The following CMIP variants were observed in gnomAD, a reference collection of about 807,000 sequenced individuals.
The protein encoded by CMIP is C-Maf-inducing protein.
In CMIP, 13 loss-of-function variants were observed where a neutral mutation model predicts 97.3. The ratio of observed to expected loss-of-function variants is 0.13; its 90% CI spans 0.09 to 0.21. The LOEUF (loss-of-function observed/expected upper bound fraction) is 0.21. Ranked by LOEUF, CMIP falls within the 10% of genes least tolerant of loss-of-function variation. The pLI, the probability that CMIP is intolerant of heterozygous loss-of-function variation, is 1.00. For missense variants in CMIP, 847 were observed against 1,024.9 expected, an observed-to-expected ratio of 0.83 and a Z score of 2.37; for synonymous variants, 538 against 436.3, an observed-to-expected ratio of 1.23 and a Z score of -2.91.
chr16:81,651,982 G>C (rs2092433597), intron 3 of CMIP, among the ~76,000 whole-genome samples: 1 of 152,182 alleles, frequency 6.6e-6, no homozygotes, highest in South Asian at 2.1e-4. Context: ...TGTGGGAAAT[G>C]AGTCTAGTGT....
At chr16:81,578,629 C>A (rs562298625) in intron 1 of CMIP, among the ~76,000 whole-genome samples, 1 of 152,324 alleles carries the variant, frequency 6.6e-6, no homozygotes, top group South Asian at 2.1e-4. Context: ...ATCTCCATGC[C>A]ATGGGCTGGT....
At chr16:81,610,113 G>A (rs1406406496) in intron 2 of CMIP, among the ~76,000 whole-genome samples, 1 of 152,174 alleles carries the variant, frequency 6.6e-6, no homozygotes, top group African/African-American at 2.4e-5. Flanking sequence ...CATTCCTTCT[G>A]GGGCTGGAGG....
intron 1 of CMIP, among the ~76,000 whole-genome samples, chr16:81,455,037 G>T (rs1230903011): frequency 6.6e-6 from 1 of 152,214 alleles, no homozygotes; most frequent in Non-Finnish European, 1.5e-5. Context: ...GATAGAGGTG[G>T]GTTTGCCTCC....
intron 3 of CMIP, among the ~76,000 whole-genome samples, chr16:81,626,426 G>A (rs2092064776): frequency 6.7e-6 from 1 of 148,208 alleles, no homozygotes; most frequent in Admixed American, 6.8e-5. Flanking sequence ...GAGTGTGTGT[G>A]GGGTGTGGGA....
chr16:81,469,858 CT>C (rs1374525533), intron 1 of CMIP, among the ~76,000 whole-genome samples: 3 of 152,170 alleles, frequency 2.0e-5, no homozygotes, highest in Admixed American at 2.0e-4. Context: ...GAACATTTCC[CT>C]GAATGTCTTG....
At chr16:81,550,567 C>G (rs774988906) in intron 1 of CMIP, among the ~76,000 whole-genome samples, 1 of 152,186 alleles carries the variant, frequency 6.6e-6, no homozygotes, top group Non-Finnish European at 1.5e-5. Flanking sequence ...GGCTTCCACC[C>G]TCTGTGCTCT....
At chr16:81,543,306 C>T (rs1019761834) in intron 1 of CMIP, among the ~76,000 whole-genome samples, 1 of 152,186 alleles carries the variant, frequency 6.6e-6, no homozygotes, top group Non-Finnish European at 1.5e-5. Context: ...TAATCATGTC[C>T]AGTGCTACAC....
intron 2 of CMIP, chr16:81,620,632 AC>A: frequency 2.1e-6 from 1 of 483,944 alleles, no homozygotes; most frequent in East Asian, 3.8e-5. Flanking sequence ...TCACTCATAT[AC>A]AGCAAAGGAA....
intron 1 of CMIP, among the ~76,000 whole-genome samples, chr16:81,540,301 G>A (rs527827856): frequency 2.6e-5 from 4 of 152,252 alleles, no homozygotes; most frequent in Non-Finnish European, 2.9e-5. Flanking sequence ...CCTCTGATCC[G>A]TGAGATGGGC....
intron 5 of CMIP, among the ~76,000 whole-genome samples, chr16:81,660,199 G>T (rs1006118566): frequency 6.6e-6 from 1 of 152,116 alleles, no homozygotes; most frequent in African/African-American, 2.4e-5. Flanking sequence ...TTCAGACCCA[G>T]ACCCCAGCCA....
At chr16:81,596,580 T>C (rs1351406273) in intron 1 of CMIP, among the ~76,000 whole-genome samples, 2 of 151,864 alleles carry the variant, frequency 1.3e-5, no homozygotes, top group East Asian at 1.9e-4. Flanking sequence ...TGTATACTGC[T>C]TGATGAACTT....
At chr16:81,488,694 C>A (rs1043001396) in intron 1 of CMIP, among the ~76,000 whole-genome samples, 1 of 152,134 alleles carries the variant, frequency 6.6e-6, no homozygotes, top group Admixed American at 6.5e-5. Flanking sequence ...CAGGGAGGCT[C>A]CTGTGACTTT....
At chr16:81,565,509 C>G (rs1361017511) in intron 1 of CMIP, among the ~76,000 whole-genome samples, 1 of 152,216 alleles carries the variant, frequency 6.6e-6, no homozygotes, top group Non-Finnish European at 1.5e-5. Context: ...CCAGGGAGAC[C>G]ATCTGCCCTT....
At chr16:81,694,618 T>C (rs1300734363) in intron 13 of CMIP, among the ~76,000 whole-genome samples, 2 of 152,190 alleles carry the variant, frequency 1.3e-5, no homozygotes, top group African/African-American at 4.8e-5. Context: ...TCAAACTATA[T>C]TACCTGAGGA....
intron 1 of CMIP, among the ~76,000 whole-genome samples, chr16:81,562,352 C>T (rs1226315320): frequency 2.0e-5 from 3 of 152,234 alleles, no homozygotes; most frequent in African/African-American, 7.2e-5. Context: ...CTTCTTAGTC[C>T]TGACAAGGGG....
intron 1 of CMIP, chr16:81,464,220 C>A (rs969423449): frequency 6.6e-6 from 1 of 152,258 alleles, no homozygotes; most frequent in Admixed American, 6.5e-5. Context: ...GGCGTGGGCA[C>A]AGTGAGAGGT....
rs139540826 is a variant in CMIP at position 81,700,948 on chromosome 16, C to T, written c.1756-712C>T. On this transcript the variant is annotated intron_variant, in intron 15 of 20. Coordinates refer to ENST00000537098, the MANE Select transcript of CMIP (RefSeq NM_198390.3). The stretch of plus-strand genomic sequence containing the variant: ...AGGGAGACAGGAGACAGGCAAGAGG[C>T]GCTGTGAGAAGCGTGGGCTGAGTGA... 7.9e-3 allele frequency among the ~76,000 whole-genome samples: 1,200 copies of T among 152,154 alleles called. 6 individuals carry two copies. Among genetic ancestry groups the T allele is most frequent in the Middle Eastern group, 0.027 (8 of 294 alleles).
chr16:81,690,078 T>A (rs1362405143), intron 10 of CMIP, among the ~76,000 whole-genome samples: 1 of 152,166 alleles, frequency 6.6e-6, no homozygotes, highest in Admixed American at 6.5e-5. Context: ...GAGTTTGAAG[T>A]CAGGTAGCGT....
intron 1 of CMIP, among the ~76,000 whole-genome samples, chr16:81,553,481 T>C (rs191643570): frequency 2.6e-5 from 4 of 151,760 alleles, no homozygotes; most frequent in African/African-American, 9.6e-5. Flanking sequence ...TTCAGAGTCG[T>C]CTGATGAAGA....
Sources: gnomAD v4.1 joint callset for allele counts (sites outside exome capture counted in the v4.1 genomes callset) on GRCh38, gnomAD v4.1.1 for gene constraint, MANE v1.5 for transcripts, NCBI Gene and HGNC (gene_info 2026-07-23, HGNC 2026-07-21) for gene names.